The following GPR155 variants were observed in gnomAD, a reference collection of about 807,000 sequenced individuals.
GPR155 encodes lysosomal cholesterol signaling protein.
Under a neutral mutation model 93.1 loss-of-function variants are expected in GPR155, and 65 were observed. That is an observed-to-expected ratio of 0.70 (90% CI 0.57 to 0.86). The LOEUF is 0.86. GPR155 is among the 40% of genes least tolerant of loss of function. The pLI, the probability that GPR155 is intolerant of heterozygous loss-of-function variation, is 0.00. For synonymous variants in GPR155, 319 were observed against 360.1 expected, an observed-to-expected ratio of 0.89 and a Z score of 1.29; for missense variants, 838 against 1,034.8, an observed-to-expected ratio of 0.81 and a Z score of 2.61.
chr2:174,438,543 C>T (rs768716673), intron 15 of GPR155, among the ~76,000 whole-genome samples: 2 of 152,112 alleles, frequency 1.3e-5, no homozygotes, highest in African/African-American at 2.4e-5. Context: ...GAGTCTTGCT[C>T]TGTTGCCCAG....
At chr2:174,486,442 C>A (rs1417880887) in intron 1 of GPR155, among the ~76,000 whole-genome samples, 1 of 152,212 alleles carries the variant, frequency 6.6e-6, no homozygotes, top group African/African-American at 2.4e-5. Context: ...GGAGTCACAA[C>A]GTCATGGTAA....
intron 1 of GPR155, chr2:174,483,183 A>C (rs982455351): frequency 1.3e-5 from 2 of 148,534 alleles, no homozygotes; most frequent in African/African-American, 4.9e-5. Context: ...ACAGAAAAAA[A>C]AATTTTTTTT....
At chr2:174,454,262 G>A (rs866566675) in intron 10 of GPR155, among the ~76,000 whole-genome samples, 11 of 152,172 alleles carry the variant, frequency 7.2e-5, no homozygotes, top group Middle Eastern at 3.4e-3. Flanking sequence ...CTCAGCTTCC[G>A]AGTAGCTGGG....
At chr2:174,455,296 C>T (rs577256761) in intron 10 of GPR155, among the ~76,000 whole-genome samples, 1 of 152,264 alleles carries the variant, frequency 6.6e-6, no homozygotes, top group Non-Finnish European at 1.5e-5. Flanking sequence ...AACATGAGTG[C>T]CGAGTGCTGG....
rs76717032 is a variant in GPR155, at chr2:174,439,038, C to G, written c.2312+860G>C. Among the ~76,000 whole-genome samples the G allele has an allele frequency of 3.3e-5, 5 of 152,290 alleles. No homozygotes were observed. In the East Asian group the frequency reaches 9.6e-4, roughly 29 times the overall value. On this transcript the variant is annotated intron_variant, in intron 15 of 15. Coordinates refer to ENST00000392552, the MANE Select transcript of GPR155 (RefSeq NM_152529.7). ...AACTTGCCCAATGTCACACAGCCAA[C>G]AAGCGGCAGTTCAGGAGCTGAGTTC...
chr2:174,469,276 A>G (rs1687926972), intron 4 of GPR155, among the ~76,000 whole-genome samples: 1 of 152,238 alleles, frequency 6.6e-6, no homozygotes. Flanking sequence ...TTCCTCTTCT[A>G]ATCTATGCTT....
chr2:174,467,306 C>T (rs956111781), intron 5 of GPR155, among the ~76,000 whole-genome samples: 1 of 152,192 alleles, frequency 6.6e-6, no homozygotes, highest in African/African-American at 2.4e-5. Context: ...TCGAGACTAG[C>T]CTGGCCAACA....
chr2:174,453,669 A>AG, intron 11 of GPR155, 68 bp downstream of exon 11: 1 of 453,470 alleles, frequency 2.2e-6, no homozygotes. Flanking sequence ...CAAAAAAAAG[A>AG]AAAAAAAAAA....
rs183064197 is a variant in GPR155, at chr2:174,445,201, T to C, written c.2014-25A>G. 1.6e-5 allele frequency: 20 copies of C among 1,212,932 alleles called. No homozygotes were observed. In the East Asian group the frequency reaches 4.4e-4, roughly 27 times the overall value. 75.1% of individuals were successfully genotyped at this position (1,212,932 alleles called of 1,614,324 possible). On this transcript the variant is annotated intron_variant, in intron 12 of 15. Transcript: ENST00000392552. ...TCTGTAAAGAAAGGAGAAAAGAGTA[T>C]TTTAAAATCAAGCAAGCTGATAATT...
chr2:174,441,917 AT>A (rs34371550), intron 14 of GPR155, among the ~76,000 whole-genome samples: 37,440 of 146,452 alleles, frequency 0.26, 5,574 homozygotes, highest in Middle Eastern at 0.48. Flanking sequence ...TAATTTTTGT[AT>A]TTTTTTTTTT....
At chr2:174,475,331 G>A (rs1688134107) in intron 2 of GPR155, among the ~76,000 whole-genome samples, 1 of 130,538 alleles carries the variant, frequency 7.7e-6, no homozygotes, top group Admixed American at 7.5e-5. Context: ...AAAAAATTAG[G>A]TTTCTCAATT....
intron 3 of GPR155, among the ~76,000 whole-genome samples, chr2:174,470,860 C>T (rs147869273): frequency 8.2e-4 from 125 of 152,134 alleles, no homozygotes; most frequent in African/African-American, 1.6e-3. Flanking sequence ...GTAAAAGTTG[C>T]AATTCTAGCT....
At position 174,433,204 on chromosome 2, in the gene GPR155, GT is replaced by G. The variant is rs1364698465; in HGVS notation, c.*2911del. On this transcript the variant is annotated 3_prime_UTR_variant, in exon 16 of 16. Coordinates refer to ENST00000392552, the MANE Select transcript of GPR155 (RefSeq NM_152529.7). ...TAAATATCTGAAACGTTTAAAATAA[GT>G]TAAACTAGCACTGACATCTAATAAT... 1 of 152,112 alleles carries G rather than the reference GT, an allele frequency of 6.6e-6. No homozygotes were observed. The highest frequency in any genetic ancestry group is 1.5e-5 in the Non-Finnish European group (1 of 68,010). 9.4% of individuals were successfully genotyped at this position (152,112 alleles called of 1,614,324 possible).
chr2:174,453,649 G>C (rs566226588), intron 11 of GPR155, 88 bp downstream of exon 11: 80 of 639,692 alleles, frequency 1.3e-4, no homozygotes, highest in Admixed American at 6.5e-4. Flanking sequence ...GACAGAGCAA[G>C]ACTCCGTCTC....
chr2:174,442,205 T>A, intron 13 of GPR155, 22 bp from the exon 14 acceptor site: 2 of 1,198,782 alleles, frequency 1.7e-6, no homozygotes, highest in Admixed American at 1.8e-5. Flanking sequence ...AACAAAGTTA[T>A]TTTTTTCAGA....
intron 10 of GPR155, among the ~76,000 whole-genome samples, 167 bp from the exon 11 acceptor site, chr2:174,454,008 C>T (rs1300298234): frequency 6.6e-6 from 1 of 152,182 alleles, no homozygotes; most frequent in Non-Finnish European, 1.5e-5. Context: ...TGTTCTCACT[C>T]ATATACAAAA....
intron 12 of GPR155, 69 bp downstream of exon 12, chr2:174,446,542 T>C: frequency 2.0e-6 from 3 of 1,466,372 alleles, no homozygotes; most frequent in Non-Finnish European, 2.8e-6. Flanking sequence ...TTTTCCCGGA[T>C]GCCTGAATAA....
chr2:174,444,486 C>CTTTTTT (rs71024807), intron 13 of GPR155, among the ~76,000 whole-genome samples: 4 of 89,604 alleles, frequency 4.5e-5, no homozygotes, highest in African/African-American at 8.8e-5. Flanking sequence ...CCAAAGTGAC[C>CTTTTTT]TTTTTTTTTT....
rs559031546 is a variant in GPR155 at position 174,432,661 on chromosome 2, A to G, written c.*3455T>C. On this transcript the variant is annotated 3_prime_UTR_variant, in exon 16 of 16. Coordinates refer to ENST00000392552, the MANE Select transcript of GPR155 (RefSeq NM_152529.7). ...CGCAGCAAGACAATTCAGCTTAAAA[A>G]CATCCCCATTCCCTAATCACAACTT... The G allele has an allele frequency of 6.6e-6, 1 of 152,300 alleles. No homozygotes were observed. Among genetic ancestry groups the G allele is most frequent in the African/African-American group, 2.4e-5 (1 of 41,572 alleles). 9.4% of individuals were successfully genotyped at this position (152,300 alleles called of 1,614,324 possible).
Sources: gnomAD v4.1 joint callset for allele counts (sites outside exome capture counted in the v4.1 genomes callset) on GRCh38, gnomAD v4.1.1 for gene constraint, MANE v1.5 for transcripts, NCBI Gene and HGNC (gene_info 2026-07-23, HGNC 2026-07-21) for gene names.